ARHGAP29: variants seen among roughly 807,000 people sequenced by gnomAD.
ARHGAP29 encodes Rho GTPase activating protein 29, also known as rho GTPase-activating protein 29.
Under a neutral mutation model 122.6 loss-of-function variants are expected in ARHGAP29, and 43 were observed. The ratio of observed to expected loss-of-function variants is 0.35; its 90% confidence interval spans 0.27 to 0.45. The LOEUF is 0.45. Among genes scored for constraint, ARHGAP29 ranks in the 20% least tolerant of loss-of-function variants. The pLI is 1.00. For missense variants in ARHGAP29, 1,303 were observed against 1,477.2 expected (o/e 0.88, Z 1.93); for synonymous variants, 506 against 497.1 (o/e 1.02, Z -0.24).
chr1:94,183,515 T>G (rs1380806651), intron 19 of ARHGAP29, among the ~76,000 whole-genome samples: 1 of 152,102 alleles, frequency 6.6e-6, no homozygotes, highest in African/African-American at 2.4e-5. Context: ...AGCAGTCTAC[T>G]CCCTGACCAT....
At position 94,185,477 on chromosome 1, in the gene ARHGAP29, G is replaced by A; in HGVS notation, c.1785C>T (p.Pro595=). 6.2e-7 allele frequency: 1 copy of A among 1,601,578 alleles called. No homozygotes were observed. The highest frequency in any genetic ancestry group is 8.5e-7 in the Non-Finnish European group (1 of 1,175,478). Residue 595 remains proline, a synonymous_variant, in exon 17 of 23, where the codon CCC becomes CCT. Coordinates refer to ENST00000260526, the MANE Select transcript of ARHGAP29 (RefSeq NM_004815.4). ...REPPSPSETG[P]NSLGTFKKTL... ...TTTTCTTAAATGTTCCAAGGGAATTGGGTCCTTGCAAGAGAAATAATTTAC... is the reference window on the plus strand; with the variant it reads ...TTTTCTTAAATGTTCCAAGGGAATTAGGTCCTTGCAAGAGAAATAATTTAC...
At chr1:94,205,472 C>T (rs1217629729) in intron 6 of ARHGAP29, among the ~76,000 whole-genome samples, 163 bp downstream of exon 6, 1 of 152,130 alleles carries the variant, frequency 6.6e-6, no homozygotes, top group Non-Finnish European at 1.5e-5. Context: ...TCTATCTACT[C>T]TAGCAGGTTA....
chr1:94,283,492 A>G, the ARHGAP29 span, among the ~76,000 whole-genome samples: 1 of 152,230 alleles, frequency 6.6e-6, no homozygotes, highest in Non-Finnish European at 1.5e-5. Context: ...TTAAAAAATC[A>G]TATTTGATAA....
chr1:94,238,146 C>T (rs1653422374), upstream of ARHGAP29, among the ~76,000 whole-genome samples: 1 of 150,052 alleles, frequency 6.7e-6, no homozygotes, highest in Non-Finnish European at 1.5e-5. Context: ...CTGCAACCTC[C>T]GCCTCCCGGG....
Position 94,177,838 on chromosome 1 carries a change from A to G in ARHGAP29, c.2796+14T>C. 1 of 1,592,264 alleles carries G rather than the reference A, an allele frequency of 6.3e-7. No individual in the cohort carries two copies. Among genetic ancestry groups the G allele is most frequent in the Non-Finnish European group, 8.5e-7 (1 of 1,171,854 alleles). ...TACAAAGTTCTAATATAATTCTATA[A>G]AGGTCAAACTCACTTCCTTTGAAGA... is the stretch of plus-strand genomic sequence containing the variant. On this transcript the variant is annotated intron_variant, in intron 21 of 22. Coordinates refer to ENST00000260526, the MANE Select transcript of ARHGAP29 (RefSeq NM_004815.4).
intron 3 of ARHGAP29, among the ~76,000 whole-genome samples, chr1:94,212,116 TA>T (rs1651661327): frequency 1.3e-5 from 2 of 152,132 alleles, no homozygotes; most frequent in Non-Finnish European, 2.9e-5. Flanking sequence ...CCGTCTCTAC[TA>T]AAAGTACAAA....
At chr1:94,198,715 T>C (rs527780355) in intron 12 of ARHGAP29, among the ~76,000 whole-genome samples, 3 of 152,208 alleles carry the variant, frequency 2.0e-5, no homozygotes, top group African/African-American at 7.2e-5. Flanking sequence ...AATATGTTCA[T>C]GTGTTGGCAA....
rs1337954144 is a variant in ARHGAP29, at chr1:94,205,164, C to T, written c.594G>A (p.Leu198=). ...NFSPLELDNV[L]LKNTDSIELA... ...GCTCGATAGAGTCAGTGTTCTTTAA[C>T]AGCACGTTGTCTAGTTCTAAAGGGG... is the stretch of plus-strand genomic sequence containing the variant. Residue 198 remains leucine, a synonymous_variant, in exon 7 of 23, where the codon CTG becomes CTA. Coordinates refer to ENST00000260526, the MANE Select transcript of ARHGAP29 (RefSeq NM_004815.4). The T allele has an allele frequency of 6.2e-7, 1 of 1,605,710 alleles. No homozygotes were observed.
intron 3 of ARHGAP29, among the ~76,000 whole-genome samples, chr1:94,213,242 T>C (rs184194532): frequency 0.01 from 1,565 of 152,242 alleles, 27 homozygotes; most frequent in African/African-American, 0.036. Context: ...TGCAGTGGCG[T>C]GATCTCGGCT....
Position 94,179,922 on chromosome 1 carries a change from C to T in ARHGAP29, c.2283G>A (p.Lys761=). ...TCTCTTTTGCAAGGTCTATAAATTC[C>T]TTGTACAATCGAAATAAAATAAATG... ...PEPFILFRLY[K]EFIDLAKEIQ... Residue 761 remains lysine, a synonymous_variant, in exon 20 of 23, where the codon AAG becomes AAA. Transcript: ENST00000260526. The T allele has an allele frequency of 6.2e-7, 1 of 1,608,960 alleles. No homozygotes were observed. Among genetic ancestry groups the T allele is most frequent in the African/African-American group, 1.3e-5 (1 of 74,698 alleles).
In ARHGAP29 at chr1:94,169,192, T is replaced by A. The variant is rs1257561995; in HGVS notation, c.*4677A>T. On this transcript the variant is annotated 3_prime_UTR_variant, in exon 23 of 23. Transcript: ENST00000260526. ...TCAGTGAGTATTCAATAATTGCTCA[T>A]TATCAAAAGGTTGTGAATTTGTCTC... 6.6e-6 allele frequency among the ~76,000 whole-genome samples: 1 copy of A among 152,202 alleles called. No homozygotes were observed. The highest frequency in any genetic ancestry group is 1.5e-5 in the Non-Finnish European group (1 of 68,020).
At chr1:94,289,753 G>C in the ARHGAP29 span, among the ~76,000 whole-genome samples, 1 of 152,182 alleles carries the variant, frequency 6.6e-6, no homozygotes, top group African/African-American at 2.4e-5. Flanking sequence ...AGATAATCAT[G>C]TGGTTTTTGT....
chr1:94,278,431 C>T (rs1655257452), upstream of ARHGAP29, among the ~76,000 whole-genome samples: 1 of 152,202 alleles, frequency 6.6e-6, no homozygotes, highest in African/African-American at 2.4e-5. Flanking sequence ...TTACACAAAG[C>T]CATCAGACTG....
chr1:94,221,065 C>A (rs1009719810), intron 2 of ARHGAP29, among the ~76,000 whole-genome samples: 2 of 152,122 alleles, frequency 1.3e-5, no homozygotes, highest in African/African-American at 4.8e-5. Context: ...CAGCCTACTC[C>A]ACTCATTTAC....
At chr1:94,241,613 G>A (rs905048034), upstream of ARHGAP29, among the ~76,000 whole-genome samples, 11 of 145,910 alleles carry the variant, frequency 7.5e-5, no homozygotes, top group African/African-American at 1.3e-4. Context: ...GCAAAACTCC[G>A]TCTCAAAAAA....
At chr1:94,182,577 A>G (rs1411702) in intron 19 of ARHGAP29, among the ~76,000 whole-genome samples, 132,908 of 151,990 alleles carry the variant, frequency 0.87, 60,179 homozygotes, top group Non-Finnish European at 0.99. Context: ...GGCCACATAC[A>G]AGAAGTTAGA....
chr1:94,210,058 A>G (rs976701443), intron 3 of ARHGAP29, among the ~76,000 whole-genome samples: 3 of 152,190 alleles, frequency 2.0e-5, no homozygotes, highest in Admixed American at 2.0e-4. Flanking sequence ...ACTGAAAAAG[A>G]TTTCTTATTT....
At chr1:94,188,657 G>A (rs905011926) in intron 15 of ARHGAP29, among the ~76,000 whole-genome samples, 180 bp downstream of exon 15, 23 of 152,146 alleles carry the variant, frequency 1.5e-4, no homozygotes, top group African/African-American at 5.3e-4. Context: ...ACTGATAATC[G>A]TCTATTCTTA....
chr1:94,230,737 T>C (rs868114120), intron 2 of ARHGAP29, among the ~76,000 whole-genome samples: 3 of 151,926 alleles, frequency 2.0e-5, no homozygotes, highest in African/African-American at 7.2e-5. Context: ...ATAGGAGCTG[T>C]TTTTGTAACT....
Sources: gnomAD v4.1 joint callset for allele counts (sites outside exome capture counted in the v4.1 genomes callset) on GRCh38, gnomAD v4.1.1 for gene constraint, MANE v1.5 for transcripts, NCBI Gene and HGNC (gene_info 2026-07-23, HGNC 2026-07-21) for gene names.